ACAT2: variants seen among roughly 807,000 people sequenced by gnomAD.
ACAT2 encodes the protein acetyl-CoA acetyltransferase, cytosolic.
In ACAT2, 26 loss-of-function variants were observed where a neutral mutation model predicts 37.1. The observed-to-expected ratio is 0.70, with a 90% CI of 0.51 to 0.97. ACAT2 has a LOEUF of 0.97. ACAT2 is among the 50% of genes least tolerant of loss of function. The pLI is 0.00. For synonymous variants in ACAT2, 156 were observed against 163.6 expected (o/e 0.95, Z 0.35); for missense variants, 468 against 489.0 (o/e 0.96, Z 0.40).
intron 8 of ACAT2, 61 bp from the exon 9 acceptor site, chr6:159,778,598 T>G (rs1780487822): frequency 2.6e-6 from 4 of 1,563,528 alleles, no homozygotes; most frequent in Non-Finnish European, 3.5e-6. Context: ...AAAGACAAGT[T>G]TAAGATTTTA....
Position 159,776,179 on chromosome 6 carries a change from C to T in ACAT2, c.664C>T (p.Pro222Ser), listed in dbSNP as rs1221413591. 6.2e-7 allele frequency: 1 copy of T among 1,614,102 alleles called. No homozygotes were observed. The highest frequency in any genetic ancestry group is 1.1e-5 in the South Asian group (1 of 91,074). ...GLIEVKTDEF[P>S]RHGSNIEAMS... is the part of the protein sequence containing the mutation. Reference sequence around the variant, plus strand: ...TATTGAAGTTAAAACAGATGAGTTTCCTCGCCATGGGAGCAACATAGAAGC... The same window carrying T: ...TATTGAAGTTAAAACAGATGAGTTTTCTCGCCATGGGAGCAACATAGAAGC... The change falls in exon 6 of 9, where the codon CCT becomes TCT. Residue 222 changes from proline (P) to serine (S), a missense_variant. Physicochemically the swap from Pro to Ser is moderately conservative, Grantham distance 74. Coordinates refer to ENST00000367048, the MANE Select transcript of ACAT2 (RefSeq NM_005891.3).
At chr6:159,770,030 T>C (rs549396981) in intron 4 of ACAT2, among the ~76,000 whole-genome samples, 64 of 152,262 alleles carry the variant, frequency 4.2e-4, no homozygotes, top group Admixed American at 2.3e-3. Flanking sequence ...GGACACTCCA[T>C]TGACATCTCA....
chr6:159,775,697 T>C (rs1343313332), intron 5 of ACAT2: 1 of 203,412 alleles, frequency 4.9e-6, no homozygotes, highest in Non-Finnish European at 9.9e-6. Flanking sequence ...CCATTTCACA[T>C]TTCTAAAGGG....
chr6:159,778,283 A>C lies in ACAT2; in HGVS notation c.1023+3A>C, dbSNP rs1371545190. ...AACTTGGATTAAACCCAGAGAAGGT[A>C]AAGATGCACAAGTAACCCTGAGAGC... On this transcript the variant is annotated splice_donor_region_variant and intron_variant, in intron 8 of 8. Coordinates refer to ENST00000367048, the MANE Select transcript of ACAT2 (RefSeq NM_005891.3). The C allele has an allele frequency of 6.3e-7, 1 of 1,582,758 alleles. No homozygotes were observed. Among genetic ancestry groups the C allele is most frequent in the Non-Finnish European group, 8.6e-7 (1 of 1,158,534 alleles).
chr6:159,775,359 G>A (rs772894743), intron 5 of ACAT2, 46 bp downstream of exon 5: 1 of 1,576,924 alleles, frequency 6.3e-7, no homozygotes, highest in South Asian at 1.1e-5. Flanking sequence ...TTATAGGTAA[G>A]AGTAACATCT....
At chr6:159,774,138 A>T (rs1164286860) in intron 4 of ACAT2, among the ~76,000 whole-genome samples, 5 of 152,264 alleles carry the variant, frequency 3.3e-5, no homozygotes, top group African/African-American at 1.2e-4. Flanking sequence ...GAGAAAAATC[A>T]TACTATCATT....
At chr6:159,762,271 G>A in intron 1 of ACAT2, 129 bp downstream of exon 1, 1 of 1,316,304 alleles carries the variant, frequency 7.6e-7, no homozygotes, top group Non-Finnish European at 1.0e-6. Flanking sequence ...GCGAGGAGCC[G>A]CGGGATCCCT....
Position 159,767,063 on chromosome 6 carries a change from T to C in ACAT2, c.249T>C (p.Val83=). The C allele has an allele frequency of 6.2e-7, 1 of 1,614,176 alleles. No individual in the cohort carries two copies. The highest frequency in any genetic ancestry group is 1.1e-5 in the South Asian group (1 of 91,080). Residue 83 remains valine, a synonymous_variant, in exon 3 of 9, where the codon GTT becomes GTC. Transcript: ENST00000367048. Reference sequence around the variant, plus strand: ...TGGGTGCAGGAATTCCCTACTCTGTTCCAGCATGGAGCTGCCAGATGATCT... The same window carrying C: ...TGGGTGCAGGAATTCCCTACTCTGTCCCAGCATGGAGCTGCCAGATGATCT... The part of the protein sequence containing the change: ...ASVGAGIPYS[V]PAWSCQMICG...
intron 2 of ACAT2, 110 bp from the exon 3 acceptor site, chr6:159,766,895 A>T: frequency 7.5e-7 from 1 of 1,335,096 alleles, no homozygotes; most frequent in Non-Finnish European, 1.1e-6. Context: ...CTTGACCTGT[A>T]GGCTTTCAGA....
rs747195934 is a variant in ACAT2 at position 159,762,097 on chromosome 6, G to A, written c.10G>A (p.Gly4Ser). 1.1e-5 allele frequency: 17 copies of A among 1,613,230 alleles called. No individual in the cohort carries two copies. The South Asian group carries it at 1.5e-4, about 15-fold the overall frequency. Reference sequence around the variant, plus strand: ...CGGCAGGAGAAGCAAGATGAATGCAGGCTCAGATCCTGTGGTCATCGTCTC... The same window carrying A: ...CGGCAGGAGAAGCAAGATGAATGCAAGCTCAGATCCTGTGGTCATCGTCTC... The part of the protein sequence containing the change: MNA[G>S]SDPVVIVSAA... Residue 4 changes from glycine (G) to serine (S), a missense_variant, in exon 1 of 9, where the codon GGC (glycine) becomes AGC (serine). Physicochemically the swap from Gly to Ser is moderately conservative, Grantham distance 56 (BLOSUM62 0). Transcript: ENST00000367048.
At chr6:159,763,147 C>G (rs1780184952) in intron 2 of ACAT2, 94 bp downstream of exon 2, 3 of 1,485,438 alleles carry the variant, frequency 2.0e-6, no homozygotes, top group Non-Finnish European at 2.7e-6. Context: ...CACACACTCT[C>G]TCACTCACTC....
In ACAT2 at chr6:159,778,644, T is replaced by A; in HGVS notation, c.1024-15T>A. On this transcript the variant is annotated splice_polypyrimidine_tract_variant and intron_variant, in intron 8 of 8. Coordinates refer to ENST00000367048, the MANE Select transcript of ACAT2 (RefSeq NM_005891.3). ...ACAGAAGAATAAACAATCTAAATCT[T>A]TTCTCCCCCGTTAGGTCAATATTGA... 1 of 1,612,200 alleles carries A rather than the reference T, an allele frequency of 6.2e-7. No individual in the cohort carries two copies. Among genetic ancestry groups the A allele is most frequent in the Non-Finnish European group, 8.5e-7 (1 of 1,178,710 alleles).
chr6:159,765,773 A>G (rs1028080251), intron 2 of ACAT2, among the ~76,000 whole-genome samples: 1 of 152,102 alleles, frequency 6.6e-6, no homozygotes, highest in Non-Finnish European at 1.5e-5. Context: ...TAATATGTAT[A>G]TGATCCTGCA....
Position 159,778,882 on chromosome 6 carries a change from G to A in ACAT2, c.*53G>A. The A allele has an allele frequency of 6.2e-7, 1 of 1,607,836 alleles. No homozygotes were observed. ...TTCTTTTTAAACTAATAAAGTACTA[G>A]GTTGCAATATGTGAAATCAGAGGAC... On this transcript the variant is annotated 3_prime_UTR_variant, in exon 9 of 9. Coordinates refer to ENST00000367048, the MANE Select transcript of ACAT2 (RefSeq NM_005891.3).
At chr6:159,775,512 T>C in intron 5 of ACAT2, 199 bp downstream of exon 5, 1 of 578,940 alleles carries the variant, frequency 1.7e-6, no homozygotes. Context: ...ATGTCAGCAC[T>C]CAAGCACTCT....
At chr6:159,762,823 C>G (rs751490510) in intron 1 of ACAT2, 96 bp from the exon 2 acceptor site, 3 of 1,596,258 alleles carry the variant, frequency 1.9e-6, no homozygotes, top group South Asian at 2.2e-5. Context: ...CTCGCGTGGC[C>G]TTGCCAAACA....
chr6:159,777,419 T>C lies in ACAT2; in HGVS notation c.875T>C (p.Ile292Thr), dbSNP rs1780440842. Residue 292 changes from isoleucine (I) to threonine (T), a missense_variant, in exon 7 of 9, where the codon ATT becomes ACT. Transcript: ENST00000367048. The part of the protein sequence containing the change: ...SWSQVGVEPS[I>T]MGIGPIPAIK... ...TCCCAAGTGGGTGTGGAGCCTTCCA[T>C]TATGGGAATAGGACCAATTCCAGCC... 6.2e-7 allele frequency: 1 copy of C among 1,614,136 alleles called. No individual in the cohort carries two copies. The highest frequency in any genetic ancestry group is 2.2e-5 in the East Asian group (1 of 44,884).
At chr6:159,774,218 A>G (rs988103642) in intron 4 of ACAT2, among the ~76,000 whole-genome samples, 8 of 152,356 alleles carry the variant, frequency 5.3e-5, no homozygotes, top group Middle Eastern at 6.8e-3. Flanking sequence ...ATCAAAATTG[A>G]TGACCCTTAA....
chr6:159,762,060 C>G lies in ACAT2; in HGVS notation c.-28C>G. The G allele has an allele frequency of 2.5e-6, 4 of 1,611,696 alleles. No individual in the cohort carries two copies. The highest frequency in any genetic ancestry group is 3.4e-6 in the Non-Finnish European group (4 of 1,178,884). On this transcript the variant is annotated 5_prime_UTR_variant, in exon 1 of 9. Coordinates refer to ENST00000367048, the MANE Select transcript of ACAT2 (RefSeq NM_005891.3). ...AGCTTTGCCTAGCTTGCAGGCAGCG[C>G]AGGGCAGACGGCGGCAGGAGAAGCA... is the stretch of plus-strand genomic sequence containing the variant.
Sources: allele counts gnomAD v4.1 joint callset (sites outside exome capture counted in the v4.1 genomes callset), GRCh38; gene constraint gnomAD v4.1.1; transcripts MANE v1.5; gene names NCBI Gene and HGNC (gene_info 2026-07-23, HGNC 2026-07-21).